The following CCND3 variants were observed in gnomAD, a reference collection of about 807,000 sequenced individuals.
The protein encoded by CCND3 is cyclin D3.
In CCND3, 9 loss-of-function variants were observed where a neutral mutation model predicts 28.7. That is an observed-to-expected ratio of 0.31 (90% CI 0.19 to 0.55). The LOEUF is 0.55. CCND3 is among the 20% of genes least tolerant of loss of function. The pLI is 0.93. For missense variants in CCND3, 315 were observed against 385.8 expected (o/e 0.82, Z 1.54); for synonymous variants, 164 against 163.9 (o/e 1.00, Z 0.00).
At chr6:41,951,671 A>T (rs2127400177) in intron 1 of CCND3, among the ~76,000 whole-genome samples, 1 of 152,114 alleles carries the variant, frequency 6.6e-6, no homozygotes, top group Non-Finnish European at 1.5e-5. Context: ...GTATGTCCCC[A>T]GTGTGGCACA....
At chr6:42,019,067 T>A (rs1763618740) in intron 1 of CCND3, among the ~76,000 whole-genome samples, 1 of 152,194 alleles carries the variant, frequency 6.6e-6, no homozygotes, top group African/African-American at 2.4e-5. Flanking sequence ...GGCAAACTAC[T>A]CCATATTTTC....
intron 1 of CCND3, among the ~76,000 whole-genome samples, chr6:41,958,639 G>C (rs1401395999): frequency 6.6e-6 from 1 of 152,172 alleles, no homozygotes; most frequent in Non-Finnish European, 1.5e-5. Context: ...ATTGACTCAA[G>C]TATGTGGGTT....
intron 1 of CCND3, among the ~76,000 whole-genome samples, chr6:42,010,645 G>A (rs952994639): frequency 1.3e-5 from 2 of 152,126 alleles, no homozygotes; most frequent in Non-Finnish European, 2.9e-5. Context: ...GGCTGAATGA[G>A]GGGCTGGGGA....
chr6:41,946,732 T>G (rs1015306792), upstream of CCND3, among the ~76,000 whole-genome samples: 1 of 152,044 alleles, frequency 6.6e-6, no homozygotes, highest in African/African-American at 2.4e-5. Flanking sequence ...GTAATATTTG[T>G]ACAATATTTC....
At chr6:41,997,496 T>G (rs1762843909) in intron 1 of CCND3, among the ~76,000 whole-genome samples, 1 of 152,138 alleles carries the variant, frequency 6.6e-6, no homozygotes, top group African/African-American at 2.4e-5. Context: ...GGACAAGGGC[T>G]GGGTAATGGG....
intron 1 of CCND3, among the ~76,000 whole-genome samples, chr6:41,959,147 T>G (rs1761629217): frequency 6.6e-6 from 1 of 152,040 alleles, no homozygotes. Flanking sequence ...AAACCCCATC[T>G]CTACTAAAAA....
intron 1 of CCND3, among the ~76,000 whole-genome samples, chr6:42,004,094 ATT>A (rs59415651): frequency 5.4e-5 from 7 of 130,610 alleles, no homozygotes; most frequent in Admixed American, 8.4e-5. Context: ...GTGTGTATGT[ATT>A]TTTTTTTTTT....
upstream of CCND3, among the ~76,000 whole-genome samples, chr6:41,944,410 G>GT (rs1390835627): frequency 1.3e-5 from 2 of 151,146 alleles, no homozygotes; most frequent in African/African-American, 2.4e-5. Context: ...AAATAGAAGG[G>GT]TTTTTTGTGT....
chr6:42,038,230 C>T (rs1227668045), intron 1 of CCND3, among the ~76,000 whole-genome samples: 1 of 151,794 alleles, frequency 6.6e-6, no homozygotes, highest in Non-Finnish European at 1.5e-5. Flanking sequence ...CCCCATTGTG[C>T]TGCTGGATTT....
intron 1 of CCND3, among the ~76,000 whole-genome samples, chr6:41,962,165 A>G (rs1247645219): frequency 6.6e-6 from 1 of 151,836 alleles, no homozygotes. Context: ...TAGTGGCACG[A>G]TATCGGCTCA....
chr6:41,966,653 A>G (rs1761894386), intron 1 of CCND3, among the ~76,000 whole-genome samples: 1 of 152,058 alleles, frequency 6.6e-6, no homozygotes, highest in Admixed American at 6.6e-5. Context: ...ACTGTCTCTT[A>G]GTTAGGCAGG....
intron 1 of CCND3, among the ~76,000 whole-genome samples, chr6:42,018,133 A>C (rs1763580617): frequency 6.6e-6 from 1 of 151,906 alleles, no homozygotes; most frequent in Non-Finnish European, 1.5e-5. Context: ...TGGGTGATAG[A>C]ATGAGACTCC....
At chr6:42,024,013 C>A (rs111393694) in intron 1 of CCND3, among the ~76,000 whole-genome samples, 53 of 152,204 alleles carry the variant, frequency 3.5e-4, no homozygotes, top group African/African-American at 1.1e-3. Flanking sequence ...ATAAAGCCTC[C>A]TAACAACTCA....
At chr6:42,003,525 CAAAAAAAAAAAAAAAAAAAAAAAAA>C (rs61494473) in intron 1 of CCND3, among the ~76,000 whole-genome samples, 2 of 73,512 alleles carry the variant, frequency 2.7e-5, no homozygotes, top group Non-Finnish European at 4.7e-5. Context: ...GACTCTGTCT[CAAAAAAAAAAAAAAAAAAAAAAAAA>C]AAAAAAAAAA....
intron 1 of CCND3, among the ~76,000 whole-genome samples, chr6:42,043,159 C>T (rs368935301): frequency 6.6e-6 from 1 of 152,146 alleles, no homozygotes; most frequent in Non-Finnish European, 1.5e-5. Flanking sequence ...TTTGGGAGGC[C>T]GAGGCAGGAG....
At chr6:41,993,569 C>T (rs891030733) in intron 1 of CCND3, among the ~76,000 whole-genome samples, 1 of 151,834 alleles carries the variant, frequency 6.6e-6, no homozygotes, top group African/African-American at 2.4e-5. Flanking sequence ...CGCCACCATC[C>T]CCAGCTAATT....
intron 1 of CCND3, among the ~76,000 whole-genome samples, chr6:42,019,511 A>T (rs1390388991): frequency 1.4e-5 from 2 of 142,516 alleles, no homozygotes; most frequent in Non-Finnish European, 3.1e-5. Context: ...AAAAAAAAGG[A>T]AAGGAAATAT....
chr6:41,976,191 A>C (rs1351600237), intron 1 of CCND3, among the ~76,000 whole-genome samples: 2 of 152,112 alleles, frequency 1.3e-5, no homozygotes, highest in Non-Finnish European at 2.9e-5. Flanking sequence ...GTCTCCACTA[A>C]AAATACAAAA....
intron 1 of CCND3, among the ~76,000 whole-genome samples, chr6:42,041,290 T>C (rs933143256): frequency 1.3e-5 from 2 of 152,186 alleles, no homozygotes; most frequent in Non-Finnish European, 2.9e-5. Context: ...CGGAAAAGGC[T>C]GTACCCTCGG....
Sources: allele counts gnomAD v4.1 joint callset (sites outside exome capture counted in the v4.1 genomes callset), GRCh38; gene constraint gnomAD v4.1.1; transcripts MANE v1.5; gene names NCBI Gene and HGNC (gene_info 2026-07-23, HGNC 2026-07-21).